The following SDE2 variants were observed in gnomAD, a reference collection of about 807,000 sequenced individuals.
SDE2 encodes the protein splicing regulator SDE2.
Under a neutral mutation model 46.9 loss-of-function variants are expected in SDE2, and 31 were observed. The ratio of observed to expected loss-of-function variants is 0.66; its 90% CI spans 0.50 to 0.89. SDE2 has a LOEUF of 0.89. Ranked by LOEUF, SDE2 falls within the 40% of genes least tolerant of loss-of-function variation. The pLI is 0.00. For synonymous variants in SDE2, 205 were observed against 204.3 expected, an observed-to-expected ratio of 1.00 and a Z score of -0.03; for missense variants, 542 against 564.4, an observed-to-expected ratio of 0.96 and a Z score of 0.40.
intron 1 of SDE2, among the ~76,000 whole-genome samples, chr1:225,997,016 T>A (rs1254230858): frequency 1.3e-5 from 2 of 152,194 alleles, no homozygotes; most frequent in Non-Finnish European, 2.9e-5. Context: ...AACAGCAAAA[T>A]TTCTTATATA....
Position 225,988,193 on chromosome 1 carries a change from T to C in SDE2, c.837A>G (p.Pro279=), listed in dbSNP as rs751138203. The C allele has an allele frequency of 6.2e-7, 1 of 1,614,214 alleles. No individual in the cohort carries two copies. The highest frequency in any genetic ancestry group is 8.5e-7 in the Non-Finnish European group (1 of 1,180,030). The change falls in exon 6 of 7, where the codon CCA becomes CCG. Residue 279 remains proline, a synonymous_variant. Coordinates refer to ENST00000272091, the MANE Select transcript of SDE2 (RefSeq NM_152608.4). The part of the protein sequence containing the change: ...ARVVNTDHGS[P]EQLQIPVTDS... ...CAGTCACCGGGATCTGCAGTTGTTC[T>C]GGTGATCCATGGTCTGTATTCACTA...
chr1:225,996,790 A>T (rs1451855206), intron 1 of SDE2, among the ~76,000 whole-genome samples: 1 of 152,216 alleles, frequency 6.6e-6, no homozygotes, highest in Admixed American at 6.5e-5. Context: ...AGCAGTGTTT[A>T]AAAAGGTTCA....
At chr1:225,996,752 G>C (rs1031079207) in intron 1 of SDE2, among the ~76,000 whole-genome samples, 11 of 152,172 alleles carry the variant, frequency 7.2e-5, no homozygotes, top group Non-Finnish European at 2.9e-5. Context: ...TTTGGGGCTA[G>C]GGTGGAGTTG....
At chr1:225,993,520 G>T (rs546213087) in intron 2 of SDE2, among the ~76,000 whole-genome samples, 1 of 152,128 alleles carries the variant, frequency 6.6e-6, no homozygotes, top group Admixed American at 6.5e-5. Flanking sequence ...GCTGAGGCAG[G>T]AGAATGGCGT....
Position 225,992,563 on chromosome 1 carries a change from C to T in SDE2, c.355G>A (p.Ala119Thr). The T allele has an allele frequency of 1.2e-6, 2 of 1,602,324 alleles. No individual in the cohort carries two copies. The highest frequency in any genetic ancestry group is 1.7e-6 in the Non-Finnish European group (2 of 1,174,974). ...TCGGCTTGTTGTTTTACCCATTCAG[C>T]CATTCTGGGGATGAGGGAGGAAGAG... Reference protein sequence around the residue: ...LRDVNHEKAMAEWVKQQAERE... With the variant: ...LRDVNHEKAMTEWVKQQAERE... Residue 119 changes from alanine (A) to threonine (T), a missense_variant, in exon 4 of 7, where the codon GCT becomes ACT. By Grantham distance (58) the Ala-to-Thr change is moderately conservative (BLOSUM62 0). Around this residue, in one of 3 missense-constraint regions of SDE2, gnomAD observed 401 missense variants for 437.8 expected, o/e 0.92. Coordinates refer to ENST00000272091, the MANE Select transcript of SDE2 (RefSeq NM_152608.4).
chr1:225,993,436 C>T (rs555503371), intron 2 of SDE2, among the ~76,000 whole-genome samples: 3 of 152,110 alleles, frequency 2.0e-5, no homozygotes, highest in African/African-American at 7.2e-5. Flanking sequence ...ACAGTGAAAC[C>T]CCGTCTCTAC....
chr1:225,992,349 C>A, intron 4 of SDE2, 49 bp downstream of exon 4: 1 of 1,465,296 alleles, frequency 6.8e-7, no homozygotes, highest in Non-Finnish European at 9.5e-7. Context: ...GTCTGAACAG[C>A]TGGCTTCAGG....
chr1:225,983,016 AAATAC>A lies in SDE2; in HGVS notation c.*2281_*2285del, dbSNP rs1387818408. The A allele has an allele frequency of 2.6e-5, 4 of 152,200 alleles. No homozygotes were observed. The highest frequency in any genetic ancestry group is 3.8e-4 in the East Asian group (2 of 5,200). 9.4% of individuals were successfully genotyped at this position (152,200 alleles called of 1,614,324 possible). Reference sequence around the variant, plus strand: ...GTATAGCTAAAGAGCCAATAAATTAAAATACAATTATAAAATAATCTTATCTAAAC... The same window carrying A: ...GTATAGCTAAAGAGCCAATAAATTAAAATTATAAAATAATCTTATCTAAAC... On this transcript the variant is annotated 3_prime_UTR_variant, in exon 7 of 7. Coordinates refer to ENST00000272091, the MANE Select transcript of SDE2 (RefSeq NM_152608.4).
In SDE2 at chr1:225,987,981, T is replaced by A. The variant is rs1656306256; in HGVS notation, c.1049A>T (p.Asp350Val). 6.2e-7 allele frequency: 1 copy of A among 1,614,066 alleles called. No homozygotes were observed. The highest frequency in any genetic ancestry group is 1.3e-5 in the African/African-American group (1 of 74,944). ...TGCTACCTCAGCAACTCTTTCCCCATCAGTCCTTTCTTCTGTCTCTTTATC... is the reference window on the plus strand; with the variant it reads ...TGCTACCTCAGCAACTCTTTCCCCAACAGTCCTTTCTTCTGTCTCTTTATC... ...NKDKETEERTDGERVAEVAPE... is the reference protein window; with the variant it reads ...NKDKETEERTVGERVAEVAPE... Residue 350 changes from aspartate to valine, a missense_variant, in exon 6 of 7, where the codon GAT (aspartate) becomes GTT (valine). This residue lies in a region of SDE2 where 401 missense variants were observed against 437.8 expected (regional missense o/e 0.92). Coordinates refer to ENST00000272091, the MANE Select transcript of SDE2 (RefSeq NM_152608.4).
chr1:225,991,514 TAC>T (rs1422477136), intron 4 of SDE2, 151 bp from the exon 5 acceptor site: 3 of 596,326 alleles, frequency 5.0e-6, no homozygotes, highest in East Asian at 2.9e-5. Flanking sequence ...ATCTCAAATT[TAC>T]ACAGATTTAA....
At chr1:225,991,807 G>A (rs955840494) in intron 4 of SDE2, among the ~76,000 whole-genome samples, 1 of 152,198 alleles carries the variant, frequency 6.6e-6, no homozygotes, top group South Asian at 2.1e-4. Flanking sequence ...ACTTAAAACT[G>A]GCAGCAAATT....
intron 2 of SDE2, among the ~76,000 whole-genome samples, 170 bp downstream of exon 2, chr1:225,995,096 T>C (rs1393356833): frequency 6.6e-6 from 1 of 152,084 alleles, no homozygotes; most frequent in African/African-American, 2.4e-5. Context: ...TCAGGTTAAG[T>C]AAATAAAAGA....
In SDE2 at chr1:225,995,342, T is replaced by C. The variant is rs766789847; in HGVS notation, c.162A>G (p.Ala54=). 10 of 1,612,498 alleles carry C rather than the reference T, an allele frequency of 6.2e-6. No homozygotes were observed. Among genetic ancestry groups the C allele is most frequent in the Non-Finnish European group, 6.8e-6 (8 of 1,178,794 alleles). Residue 54 remains alanine, a synonymous_variant, in exon 2 of 7, where the codon GCA becomes GCG. Transcript: ENST00000272091. ...VENFFVKCNG[A]LINTSDTVQH... ...GCACTGTGTCACTGGTGTTAATGAG[T>C]GCTCCATTGCATTTCACAAAGAAGT...
At chr1:225,989,759 TAC>T (rs375682434) in intron 5 of SDE2, among the ~76,000 whole-genome samples, 16 of 151,232 alleles carry the variant, frequency 1.1e-4, no homozygotes, top group East Asian at 5.9e-4. Flanking sequence ...TAAATATTAA[TAC>T]ACACACACAC....
At position 225,999,228 on chromosome 1, in the gene SDE2, C is replaced by T; in HGVS notation, c.85G>A (p.Val29Ile). Residue 29 changes from valine (V) to isoleucine (I), a missense_variant, in exon 1 of 7, where the codon GTC becomes ATC. Around this residue, in one of 3 missense-constraint regions of SDE2, gnomAD observed 135 missense variants for 106.5 expected, o/e 1.27. Coordinates refer to ENST00000272091, the MANE Select transcript of SDE2 (RefSeq NM_152608.4). Reference sequence around the variant, plus strand: ...CAGTGCCGGTGGATAAAATCCCGGACGGTGCACCGACCCGAGGCACACCGC... The same window carrying T: ...CAGTGCCGGTGGATAAAATCCCGGATGGTGCACCGACCCGAGGCACACCGC... ...AVRCASGRCTVRDFIHRHCQD... is the reference protein window; with the variant it reads ...AVRCASGRCTIRDFIHRHCQD... The T allele has an allele frequency of 6.2e-7, 1 of 1,612,970 alleles. No homozygotes were observed. The highest frequency in any genetic ancestry group is 8.5e-7 in the Non-Finnish European group (1 of 1,179,428).
intron 4 of SDE2, 35 bp from the exon 5 acceptor site, chr1:225,991,398 T>TA: frequency 6.3e-7 from 1 of 1,577,394 alleles, no homozygotes; most frequent in Non-Finnish European, 8.7e-7. Context: ...GTTTCTACTA[T>TA]AGGGACTAAG....
rs1241356130 is a variant in SDE2, at chr1:225,984,529, G to C, written c.*773C>G. On this transcript the variant is annotated 3_prime_UTR_variant, in exon 7 of 7. Coordinates refer to ENST00000272091, the MANE Select transcript of SDE2 (RefSeq NM_152608.4). ...TTGGTTCTTTAAAAGTTATATCGTCGGCCAGGCACGGTGGCTCACGCCTGT... is the reference window on the plus strand; with the variant it reads ...TTGGTTCTTTAAAAGTTATATCGTCCGCCAGGCACGGTGGCTCACGCCTGT... 1.3e-5 allele frequency: 2 copies of C among 151,794 alleles called. No individual in the cohort carries two copies. Among genetic ancestry groups the C allele is most frequent in the Admixed American group, 6.6e-5 (1 of 15,236 alleles). 9.4% of individuals were successfully genotyped at this position (151,794 alleles called of 1,614,324 possible). A position where few individuals can be genotyped will look rare whatever the true frequency, so the allele number is the denominator to read the frequency against.
rs1359847560 is a variant in SDE2, at chr1:225,988,069, C to T, written c.961G>A (p.Glu321Lys). The T allele has an allele frequency of 2.5e-6, 4 of 1,614,040 alleles. No individual in the cohort carries two copies. The highest frequency in any genetic ancestry group is 1.3e-5 in the African/African-American group (1 of 74,926). Residue 321 changes from glutamate to lysine, a missense_variant, in exon 6 of 7, where the codon GAG (glutamate) becomes AAG (lysine). By Grantham distance (56) the Glu-to-Lys change is moderately conservative. Around this residue, in one of 3 missense-constraint regions of SDE2, gnomAD observed 401 missense variants for 437.8 expected, o/e 0.92. Transcript: ENST00000272091. ...RMVTETEETQ[E>K]KKAESKEPIE... The stretch of plus-strand genomic sequence containing the variant: ...GGTTCTTTACTCTCTGCCTTCTTCT[C>T]CTGGGTCTCTTCTGTTTCTGTAACC...
chr1:225,989,329 T>G (rs1355606494), intron 5 of SDE2, among the ~76,000 whole-genome samples: 1 of 139,772 alleles, frequency 7.2e-6, no homozygotes, highest in Non-Finnish European at 1.5e-5. Flanking sequence ...TAATAATAAA[T>G]AGTTATAAAG....
Sources: gnomAD v4.1 joint callset for allele counts (sites outside exome capture counted in the v4.1 genomes callset) on GRCh38, gnomAD v4.1.1 for gene constraint, gnomAD v4.1.1 regional missense constraint, MANE v1.5 for transcripts, NCBI Gene and HGNC (gene_info 2026-07-23, HGNC 2026-07-21) for gene names.